RADIL: variants seen among roughly 807,000 people sequenced by gnomAD.
RADIL encodes Rap associating with DIL domain, also known as ras-associating and dilute domain-containing protein.
In RADIL, 99 loss-of-function variants were observed where a neutral mutation model predicts 97.6. The ratio of observed to expected loss-of-function variants is 1.01; its 90% confidence interval spans 0.86 to 1.20. The LOEUF (loss-of-function observed/expected upper bound fraction) is 1.20, where lower values mean the gene tolerates loss of function less well. RADIL is among the 50% of genes most tolerant of loss of function. The pLI, the probability that RADIL is intolerant of heterozygous loss-of-function variation, is 0.00. For synonymous variants in RADIL, 803 were observed against 691.8 expected (o/e 1.16, Z -2.52); for missense variants, 1,765 against 1,498.9 (o/e 1.18, Z -2.93).
intron 9 of RADIL, among the ~76,000 whole-genome samples, chr7:4,806,568 G>C (rs139796969): frequency 1.3e-5 from 2 of 152,350 alleles, no homozygotes; most frequent in African/African-American, 2.4e-5. Context: ...CAGCCTCTGC[G>C]GCCCGCCAGG....
intron 2 of RADIL, among the ~76,000 whole-genome samples, chr7:4,845,276 A>G (rs955144916): frequency 1.2e-4 from 18 of 152,244 alleles, no homozygotes; most frequent in African/African-American, 4.3e-4. Context: ...AAGATGAACC[A>G]GATGTGGTGG....
At chr7:4,831,428 G>A (rs1252547929) in intron 5 of RADIL, among the ~76,000 whole-genome samples, 2 of 151,870 alleles carry the variant, frequency 1.3e-5, no homozygotes, top group Non-Finnish European at 2.9e-5. Context: ...TATAATGAAT[G>A]GGTACAAGGC....
rs1783328825 is a variant in RADIL at position 4,837,417 on chromosome 7, AAGG to A, written c.536-815_536-813del. On this transcript the variant is annotated intron_variant, in intron 2 of 14. Coordinates refer to ENST00000399583, the MANE Select transcript of RADIL (RefSeq NM_018059.5). The surrounding 1 kb of genome is among the most constrained non-coding windows in gnomAD (Gnocchi z 5.6). Reference sequence around the variant, plus strand: ...GGTCAGCATCCTGCCCCTACTTTACAAGGAGGAGGTGTCACTGTGCCACATCAC... The same window carrying A: ...GGTCAGCATCCTGCCCCTACTTTACAAGGAGGTGTCACTGTGCCACATCAC... Among the ~76,000 whole-genome samples, 1 of 152,148 alleles carries A rather than the reference AAGG, an allele frequency of 6.6e-6. No homozygotes were observed. The highest frequency in any genetic ancestry group is 2.1e-4 in the South Asian group (1 of 4,824).
In RADIL at chr7:4,818,081, G is replaced by C. The variant is rs1164418432; in HGVS notation, c.1616-730C>G. 1.3e-5 allele frequency among the ~76,000 whole-genome samples: 2 copies of C among 152,244 alleles called. No homozygotes were observed. The highest frequency in any genetic ancestry group is 4.8e-5 in the African/African-American group (2 of 41,472). The stretch of plus-strand genomic sequence containing the variant: ...CGCCTTCATTCTCTCCTGGGACTGT[G>C]GGCGGCCAACCACAGTGGTGTTCCC... On this transcript the variant is annotated intron_variant, in intron 6 of 14. Coordinates refer to ENST00000399583, the MANE Select transcript of RADIL (RefSeq NM_018059.5). The surrounding 1 kb of genome is among the most constrained non-coding windows in gnomAD (Gnocchi z 7.1).
chr7:4,848,534 G>A (rs889741392), intron 2 of RADIL, among the ~76,000 whole-genome samples: 1 of 152,012 alleles, frequency 6.6e-6, no homozygotes, highest in African/African-American at 2.4e-5. Context: ...AAGTAGCAAG[G>A]AAAAGAATGG....
chr7:4,817,145 C>G lies in RADIL; in HGVS notation c.1728+94G>C. The G allele has an allele frequency of 8.9e-7, 1 of 1,124,214 alleles. No homozygotes were observed. The highest frequency in any genetic ancestry group is 1.3e-6 in the Non-Finnish European group (1 of 774,634). 69.6% of individuals were successfully genotyped at this position (1,124,214 alleles called of 1,614,324 possible). ...TGTCACGGTCCCCTCCCTCAGCCCCCCAGAAGGCTCCTTAGGAGAGCCACA... is the reference window on the plus strand; with the variant it reads ...TGTCACGGTCCCCTCCCTCAGCCCCGCAGAAGGCTCCTTAGGAGAGCCACA... On this transcript the variant is annotated intron_variant, in intron 7 of 14. Coordinates refer to ENST00000399583, the MANE Select transcript of RADIL (RefSeq NM_018059.5). This position sits in a 1 kb window ranked among gnomAD's most constrained non-coding sequence, Gnocchi z 8.3.
At chr7:4,839,620 C>A (rs1783393003) in intron 2 of RADIL, among the ~76,000 whole-genome samples, 1 of 152,088 alleles carries the variant, frequency 6.6e-6, no homozygotes, top group South Asian at 2.1e-4. Flanking sequence ...AACTTTATAT[C>A]ATGTTTGACT....
intron 2 of RADIL, chr7:4,860,845 T>C (rs971551420): frequency 6.2e-7 from 1 of 1,614,024 alleles, no homozygotes; most frequent in African/African-American, 1.3e-5. Context: ...AGTTCTGCTG[T>C]GGGTATGCTG....
At chr7:4,860,213 C>T in intron 2 of RADIL, 2 of 1,614,054 alleles carry the variant, frequency 1.2e-6, no homozygotes, top group African/African-American at 1.3e-5. Context: ...CACAGACATG[C>T]TGTTTTCACA....
chr7:4,819,084 T>C lies in RADIL; in HGVS notation c.1616-1733A>G, dbSNP rs551920898. 6.7e-6 allele frequency among the ~76,000 whole-genome samples: 1 copy of C among 149,120 alleles called. No individual in the cohort carries two copies. Among genetic ancestry groups the C allele is most frequent in the Non-Finnish European group, 1.5e-5 (1 of 67,494 alleles). On this transcript the variant is annotated intron_variant, in intron 6 of 14. Transcript: ENST00000399583. This position sits in a 1 kb window ranked among gnomAD's most constrained non-coding sequence, Gnocchi z 5.8. ...TCTCTCTCTCTCTCTTTTTTTTTTT[T>C]TTTTAAAGACAGAGTCTCACTCTGT...
At chr7:4,848,950 C>T (rs1010158024) in intron 2 of RADIL, among the ~76,000 whole-genome samples, 1 of 152,068 alleles carries the variant, frequency 6.6e-6, no homozygotes, top group Non-Finnish European at 1.5e-5. Flanking sequence ...ACTAGCCTGA[C>T]CAACATGGAG....
In RADIL at chr7:4,849,597, T is replaced by C. The variant is rs941762110; in HGVS notation, c.536-12992A>G. Among the ~76,000 whole-genome samples, 5 of 152,170 alleles carry C rather than the reference T, an allele frequency of 3.3e-5. No individual in the cohort carries two copies. The highest frequency in any genetic ancestry group is 1.2e-4 in the African/African-American group (5 of 41,444). On this transcript the variant is annotated intron_variant, in intron 2 of 14. Transcript: ENST00000399583. This position sits in a 1 kb window ranked among gnomAD's most constrained non-coding sequence, Gnocchi z 5.4. ...GCATGAACATGCCTTCCAGCTGTTATCTGCAACAAACCTGCAGACCGAATG... is the reference window on the plus strand; with the variant it reads ...GCATGAACATGCCTTCCAGCTGTTACCTGCAACAAACCTGCAGACCGAATG...
At chr7:4,830,262 C>A (rs1406433031) in intron 5 of RADIL, among the ~76,000 whole-genome samples, 1 of 152,206 alleles carries the variant, frequency 6.6e-6, no homozygotes, top group Non-Finnish European at 1.5e-5. Flanking sequence ...CAGGAGGAGA[C>A]ATGTGGCGGC....
chr7:4,860,889 T>C, intron 2 of RADIL: 1 of 1,614,210 alleles, frequency 6.2e-7, no homozygotes. Context: ...TACCTATCAC[T>C]GGGATTTACT....
chr7:4,859,615 G>C (rs1420754429), intron 2 of RADIL: 2 of 380,944 alleles, frequency 5.3e-6, no homozygotes, highest in Non-Finnish European at 9.6e-6. Context: ...AGTATTTGAA[G>C]ACAACAGGTT....
rs1284840314 is a variant in RADIL at position 4,873,229 on chromosome 7, G to A, written c.535+4376C>T. Among the ~76,000 whole-genome samples the A allele has an allele frequency of 7.2e-5, 11 of 152,110 alleles. No individual in the cohort carries two copies. The highest frequency in any genetic ancestry group is 2.6e-4 in the Admixed American group (4 of 15,266). ...ATTACACGCGTGAGCCACCGCGCCC[G>A]GCCAAGTGTGACTCTTACCATAGGA... On this transcript the variant is annotated intron_variant, in intron 2 of 14. Coordinates refer to ENST00000399583, the MANE Select transcript of RADIL (RefSeq NM_018059.5). This position sits in a 1 kb window ranked among gnomAD's most constrained non-coding sequence, Gnocchi z 4.3.
At chr7:4,869,764 GTCAA>G (rs1784211624) in intron 2 of RADIL, among the ~76,000 whole-genome samples, 1 of 152,062 alleles carries the variant, frequency 6.6e-6, no homozygotes, top group Non-Finnish European at 1.5e-5. Flanking sequence ...GACTAATAAG[GTCAA>G]TCCCTCCCAC....
At chr7:4,855,134 T>C (rs2115025325) in intron 2 of RADIL, among the ~76,000 whole-genome samples, 1 of 152,334 alleles carries the variant, frequency 6.6e-6, no homozygotes, top group South Asian at 2.1e-4. Context: ...TTATGGTATT[T>C]ATTGCATGAA....
rs1213201544 is a variant in RADIL, at chr7:4,814,669, ACT to A, written c.2139+607_2139+608del. On this transcript the variant is annotated intron_variant, in intron 9 of 14. Coordinates refer to ENST00000399583, the MANE Select transcript of RADIL (RefSeq NM_018059.5). The surrounding 1 kb of genome is among the most constrained non-coding windows in gnomAD (Gnocchi z 4.5). ...CCTGGCGGTCACGGCCACACAGTGCACTCTCACAGCTCCGCGGCTCCACAGCT... is the reference window on the plus strand; with the variant it reads ...CCTGGCGGTCACGGCCACACAGTGCACTCACAGCTCCGCGGCTCCACAGCT... Among the ~76,000 whole-genome samples the A allele has an allele frequency of 6.6e-6, 1 of 151,964 alleles. No homozygotes were observed. The highest frequency in any genetic ancestry group is 1.5e-5 in the Non-Finnish European group (1 of 67,996).
Sources: allele counts gnomAD v4.1 joint callset (sites outside exome capture counted in the v4.1 genomes callset), GRCh38; gene constraint gnomAD v4.1.1; non-coding constraint Gnocchi (gnomAD v3.1); transcripts MANE v1.5; gene names NCBI Gene and HGNC (gene_info 2026-07-23, HGNC 2026-07-21).